Variants in CCSER1 observed in about 807,000 individuals in gnomAD.
The protein encoded by CCSER1 is serine-rich coiled-coil domain-containing protein 1.
In CCSER1, 41 loss-of-function variants were observed where a neutral mutation model predicts 82.0. That is an observed-to-expected ratio of 0.50 (90% CI 0.39 to 0.65). The LOEUF (loss-of-function observed/expected upper bound fraction) is 0.65, where lower values mean the gene tolerates loss of function less well. Among genes scored for constraint, CCSER1 ranks in the 30% least tolerant of loss-of-function variants. The probability of loss-of-function intolerance (pLI) is 0.00; values close to 1 mark genes in which losing one functional copy is unlikely to be tolerated. For missense variants in CCSER1, 1,119 were observed against 1,064.2 expected, an observed-to-expected ratio of 1.05 and a Z score of -0.72; for synonymous variants, 414 against 383.9, an observed-to-expected ratio of 1.08 and a Z score of -0.92.
chr4:90,460,739 G>A (rs1332669705), intron 4 of CCSER1, among the ~76,000 whole-genome samples: 1 of 152,064 alleles, frequency 6.6e-6, no homozygotes, highest in African/African-American at 2.4e-5. Flanking sequence ...TAATTTGAAG[G>A]TCTTTGCTTT....
chr4:91,164,306 G>A (rs755757036), intron 10 of CCSER1, among the ~76,000 whole-genome samples: 5 of 152,162 alleles, frequency 3.3e-5, no homozygotes, highest in Non-Finnish European at 7.3e-5. Context: ...TCTACTGTTA[G>A]TCTGATGGGC....
At chr4:91,442,093 A>G (rs2149407091) in intron 10 of CCSER1, among the ~76,000 whole-genome samples, 1 of 152,176 alleles carries the variant, frequency 6.6e-6, no homozygotes, top group South Asian at 2.1e-4. Context: ...GCTACCAATG[A>G]CTTTCTTCAC....
intron 5 of CCSER1, among the ~76,000 whole-genome samples, chr4:90,590,163 A>G (rs984353308): frequency 6.6e-6 from 1 of 152,154 alleles, no homozygotes; most frequent in Admixed American, 6.6e-5. Context: ...AGTCCCAGCT[A>G]CTGGAGAGGC....
intron 4 of CCSER1, among the ~76,000 whole-genome samples, chr4:90,430,370 C>G (rs1489434800): frequency 6.6e-6 from 1 of 151,832 alleles, no homozygotes; most frequent in African/African-American, 2.4e-5. Flanking sequence ...AATTCATTTT[C>G]AAGGAGATTT....
intron 5 of CCSER1, among the ~76,000 whole-genome samples, chr4:90,493,090 A>C (rs1488384233): frequency 2.6e-5 from 4 of 152,112 alleles, no homozygotes; most frequent in Admixed American, 2.6e-4. Context: ...GAGCTGAAAA[A>C]CATGGCACGA....
intron 10 of CCSER1, among the ~76,000 whole-genome samples, chr4:91,470,736 CT>C (rs1317912345): frequency 6.6e-6 from 1 of 152,128 alleles, no homozygotes; most frequent in African/African-American, 2.4e-5. Flanking sequence ...GCTATGAGTT[CT>C]TGTAATCTAC....
intron 10 of CCSER1, among the ~76,000 whole-genome samples, chr4:91,121,104 T>A (rs1402535542): frequency 6.9e-6 from 1 of 145,262 alleles, no homozygotes; most frequent in Non-Finnish European, 1.5e-5. Context: ...ATATGTTACA[T>A]AAACTGTTTG....
chr4:90,366,934 CAAACAAAATATTT>C (rs1467310428), intron 3 of CCSER1, among the ~76,000 whole-genome samples: 1 of 151,624 alleles, frequency 6.6e-6, no homozygotes, highest in Non-Finnish European at 1.5e-5. Flanking sequence ...AAAATCAAAA[CAAACAAAATATTT>C]TTTAACCTGT....
rs573195666 is a variant in CCSER1, at chr4:90,891,969, A to G, written c.2095-31401A>G. On this transcript the variant is annotated intron_variant, in intron 8 of 10. Coordinates refer to ENST00000509176, the MANE Select transcript of CCSER1 (RefSeq NM_001145065.2). ...TAGTCTACACTGCTAAACCAACTTC[A>G]TTCTTGCTGTAGTGGCAAACTGAAA... 3.3e-5 allele frequency among the ~76,000 whole-genome samples: 5 copies of G among 152,208 alleles called. No individual in the cohort carries two copies. In the South Asian group the frequency reaches 1.0e-3, roughly 32 times the overall value.
intron 6 of CCSER1, among the ~76,000 whole-genome samples, chr4:90,690,590 T>C (rs1735636623): frequency 6.6e-6 from 1 of 152,088 alleles, no homozygotes; most frequent in Admixed American, 6.6e-5. Flanking sequence ...GGCTTCTGCT[T>C]CTCCTAGCCT....
intron 5 of CCSER1, among the ~76,000 whole-genome samples, chr4:90,539,325 G>C (rs1393813856): frequency 6.6e-6 from 1 of 152,134 alleles, no homozygotes; most frequent in African/African-American, 2.4e-5. Context: ...AAGGAAGACA[G>C]GGATTCACTG....
At chr4:90,440,640 T>C (rs1759735302) in intron 4 of CCSER1, among the ~76,000 whole-genome samples, 1 of 152,132 alleles carries the variant, frequency 6.6e-6, no homozygotes, top group Admixed American at 6.5e-5. Context: ...TGCAGTGCTG[T>C]GGGTTTTGCA....
At chr4:91,577,578 C>A (rs535198842) in intron 10 of CCSER1, among the ~76,000 whole-genome samples, 1 of 151,938 alleles carries the variant, frequency 6.6e-6, no homozygotes, top group Non-Finnish European at 1.5e-5. Flanking sequence ...ATAAAAGATG[C>A]CATATCTAAC....
chr4:91,008,993 G>T (rs999952876), intron 9 of CCSER1, among the ~76,000 whole-genome samples: 2 of 152,222 alleles, frequency 1.3e-5, no homozygotes, highest in Non-Finnish European at 2.9e-5. Context: ...CGGGCACTTA[G>T]CCGTGCAGGA....
At chr4:91,173,305 A>G (rs952996427) in intron 10 of CCSER1, among the ~76,000 whole-genome samples, 2 of 152,214 alleles carry the variant, frequency 1.3e-5, no homozygotes, top group African/African-American at 2.4e-5. Flanking sequence ...AAGAAAAGTC[A>G]TAAGAGGGGC....
At chr4:91,176,413 G>A (rs866705277) in intron 10 of CCSER1, among the ~76,000 whole-genome samples, 1 of 152,148 alleles carries the variant, frequency 6.6e-6, no homozygotes, top group Non-Finnish European at 1.5e-5. Context: ...ATTACCTTGG[G>A]CAGTGTGGCC....
intron 10 of CCSER1, among the ~76,000 whole-genome samples, chr4:91,126,692 T>C (rs1039161691): frequency 4.7e-4 from 72 of 152,124 alleles, no homozygotes; most frequent in African/African-American, 1.7e-3. Flanking sequence ...TAGATGAGAA[T>C]AGACATTTTC....
chr4:91,523,286 T>C (rs1035230166), intron 10 of CCSER1, among the ~76,000 whole-genome samples: 2 of 152,334 alleles, frequency 1.3e-5, no homozygotes, highest in South Asian at 2.1e-4. Context: ...CAGTATTTTA[T>C]TGAGGATTTT....
intron 1 of CCSER1, among the ~76,000 whole-genome samples, chr4:90,201,942 A>G (rs1737790919): frequency 6.6e-6 from 1 of 152,160 alleles, no homozygotes; most frequent in African/African-American, 2.4e-5. Context: ...ACTATTAAGG[A>G]AAGTTGATAC....
Sources: gnomAD v4.1 joint callset for allele counts (sites outside exome capture counted in the v4.1 genomes callset) on GRCh38, gnomAD v4.1.1 for gene constraint, MANE v1.5 for transcripts, NCBI Gene and HGNC (gene_info 2026-07-23, HGNC 2026-07-21) for gene names.